ZNF710: variants seen among roughly 807,000 people sequenced by gnomAD.
The protein encoded by ZNF710 is zinc finger protein 710.
In ZNF710, 13 loss-of-function variants were observed where a neutral mutation model predicts 50.6. That is an observed-to-expected ratio of 0.26 (90% confidence interval 0.17 to 0.41). ZNF710 has a LOEUF of 0.41. ZNF710 is among the 10% of genes least tolerant of loss of function. The pLI is 1.00. For synonymous variants in ZNF710, 383 were observed against 397.0 expected (o/e 0.96, Z 0.42); for missense variants, 721 against 936.6 (o/e 0.77, Z 3.01).
chr15:90,000,908 C>A (rs1897994288), upstream of ZNF710, among the ~76,000 whole-genome samples: 2 of 152,040 alleles, frequency 1.3e-5, no homozygotes, highest in African/African-American at 4.8e-5. Flanking sequence ...CCGGACAGGG[C>A]CGGGCCCCCC....
chr15:90,056,922 C>T (rs753051256), intron 1 of ZNF710, among the ~76,000 whole-genome samples: 1 of 152,094 alleles, frequency 6.6e-6, no homozygotes. Flanking sequence ...TGATTGCCAG[C>T]GAGGGTTCCC....
intron 1 of ZNF710, among the ~76,000 whole-genome samples, chr15:90,038,904 T>A (rs1002862574): frequency 6.6e-6 from 1 of 152,222 alleles, no homozygotes; most frequent in Non-Finnish European, 1.5e-5. Context: ...TCTTTGGCTG[T>A]CTGTCCCTGT....
intron 1 of ZNF710, among the ~76,000 whole-genome samples, chr15:90,019,800 C>G (rs1252726828): frequency 6.6e-6 from 1 of 152,248 alleles, no homozygotes; most frequent in Non-Finnish European, 1.5e-5. Context: ...CCAGGGTAAC[C>G]TTCTCTGGTG....
At chr15:90,038,157 G>A (rs919713984) in intron 1 of ZNF710, among the ~76,000 whole-genome samples, 3 of 152,154 alleles carry the variant, frequency 2.0e-5, no homozygotes, top group African/African-American at 7.2e-5. Flanking sequence ...TTTTCTATGT[G>A]TGCCATGCAG....
At chr15:90,065,197 C>T (rs1185624793) in intron 1 of ZNF710, among the ~76,000 whole-genome samples, 6 of 152,160 alleles carry the variant, frequency 3.9e-5, no homozygotes, top group Non-Finnish European at 1.5e-5. Flanking sequence ...TATTTTTAGC[C>T]GTCCTCAGGA....
chr15:90,052,443 G>A (rs143105489), intron 1 of ZNF710, among the ~76,000 whole-genome samples: 2 of 152,308 alleles, frequency 1.3e-5, no homozygotes, highest in East Asian at 1.9e-4. Context: ...AAGCCAGGAG[G>A]AGGCTGAGCT....
intron 1 of ZNF710, among the ~76,000 whole-genome samples, chr15:90,055,568 C>A (rs1437906814): frequency 6.6e-6 from 1 of 152,212 alleles, no homozygotes; most frequent in Admixed American, 6.5e-5. Context: ...TTGGTACAAG[C>A]ATAAGGCTTG....
At position 90,081,965 on chromosome 15, in the gene ZNF710, C is replaced by T. The variant is rs1394794259; in HGVS notation, c.*2136C>T. ...CTCACAGTTTGAGCTGGGGGGTGGTCTTGGCAAGGCTCCTGTCTGTACCCC... is the reference window on the plus strand; with the variant it reads ...CTCACAGTTTGAGCTGGGGGGTGGTTTTGGCAAGGCTCCTGTCTGTACCCC... On this transcript the variant is annotated 3_prime_UTR_variant, in exon 5 of 5. Coordinates refer to ENST00000268154, the MANE Select transcript of ZNF710 (RefSeq NM_198526.4). 1 of 152,288 alleles carries T rather than the reference C, an allele frequency of 6.6e-6. No homozygotes were observed. The highest frequency in any genetic ancestry group is 2.4e-5 in the African/African-American group (1 of 41,450). 9.4% of individuals were successfully genotyped at this position (152,288 alleles called of 1,614,324 possible). A position where few individuals can be genotyped will look rare whatever the true frequency, so the allele number is the denominator to read the frequency against.
chr15:90,049,397 G>A lies in ZNF710; in HGVS notation c.-28-17713G>A, dbSNP rs187953398. 5.7e-4 allele frequency among the ~76,000 whole-genome samples: 87 copies of A among 152,282 alleles called. 1 individual carries two copies. The East Asian group carries it at 0.014, about 25-fold the overall frequency. ...CCTCAACCCCACAGTCAGTCGCACC[G>A]CAGGCAGAGGGGACGGAAACCCTCA... On this transcript the variant is annotated intron_variant, in intron 1 of 4. Coordinates refer to ENST00000268154, the MANE Select transcript of ZNF710 (RefSeq NM_198526.4).
At chr15:90,052,873 C>T (rs1040383224) in intron 1 of ZNF710, among the ~76,000 whole-genome samples, 2 of 152,154 alleles carry the variant, frequency 1.3e-5, no homozygotes, top group South Asian at 2.1e-4. Flanking sequence ...GCGGAGGTTG[C>T]GGTGAGCTGA....
At position 90,009,533 on chromosome 15, in the gene ZNF710, A is replaced by G. The variant is rs935498710; in HGVS notation, c.-29+7919A>G. On this transcript the variant is annotated intron_variant, in intron 1 of 4. Coordinates refer to ENST00000268154, the MANE Select transcript of ZNF710 (RefSeq NM_198526.4). ...AGCAGCCCTGCCCACCCCTGCCCCA[A>G]CCTGGGAAATCTGTGCCCACTTCCC... Among the ~76,000 whole-genome samples, 8 of 151,840 alleles carry G rather than the reference A, an allele frequency of 5.3e-5. 1 individual carries two copies. In the South Asian group the frequency reaches 6.2e-4, roughly 12 times the overall value.
At chr15:90,008,346 A>G (rs966376582) in intron 1 of ZNF710, among the ~76,000 whole-genome samples, 3 of 148,406 alleles carry the variant, frequency 2.0e-5, no homozygotes, top group African/African-American at 5.0e-5. Flanking sequence ...TACATGTAGT[A>G]TATATATATG....
intron 1 of ZNF710, among the ~76,000 whole-genome samples, chr15:90,064,213 T>G (rs1157925117): frequency 1.3e-5 from 2 of 152,232 alleles, no homozygotes; most frequent in Admixed American, 6.5e-5. Flanking sequence ...TCTGCAAAAC[T>G]GACAGTGGCT....
At chr15:90,023,401 C>T (rs1032885902) in intron 1 of ZNF710, among the ~76,000 whole-genome samples, 10 of 152,232 alleles carry the variant, frequency 6.6e-5, no homozygotes, top group African/African-American at 2.4e-4. Context: ...CTTTGGGTAG[C>T]ACTCTTCCAA....
intron 1 of ZNF710, among the ~76,000 whole-genome samples, chr15:90,015,856 C>G (rs972717270): frequency 1.3e-5 from 2 of 152,130 alleles, no homozygotes; most frequent in Admixed American, 1.3e-4. Context: ...AGCAATCCCC[C>G]CTTCAGCCTC....
At chr15:90,039,459 G>T (rs894538883) in intron 1 of ZNF710, among the ~76,000 whole-genome samples, 1 of 152,220 alleles carries the variant, frequency 6.6e-6, no homozygotes, top group Non-Finnish European at 1.5e-5. Flanking sequence ...GGGGCTTTCT[G>T]CAGTGACAGC....
At chr15:90,033,452 C>G (rs1899006645) in intron 1 of ZNF710, among the ~76,000 whole-genome samples, 1 of 152,192 alleles carries the variant, frequency 6.6e-6, no homozygotes, top group Non-Finnish European at 1.5e-5. Context: ...CCACTTCACC[C>G]TCGAGATCCC....
chr15:90,027,394 G>C (rs1213791127), intron 1 of ZNF710, among the ~76,000 whole-genome samples: 1 of 152,014 alleles, frequency 6.6e-6, no homozygotes, highest in Non-Finnish European at 1.5e-5. Context: ...ATTTTTAGTA[G>C]AGACGGGGTT....
intron 1 of ZNF710, among the ~76,000 whole-genome samples, chr15:90,029,507 A>G (rs1898870785): frequency 6.6e-6 from 1 of 152,288 alleles, no homozygotes; most frequent in Admixed American, 6.5e-5. Context: ...TGGCTCACAC[A>G]TGTAATCCTA....
Sources: gnomAD v4.1 joint callset for allele counts (sites outside exome capture counted in the v4.1 genomes callset) on GRCh38, gnomAD v4.1.1 for gene constraint, MANE v1.5 for transcripts, NCBI Gene and HGNC (gene_info 2026-07-23, HGNC 2026-07-21) for gene names.